The following GALNT13 variants were observed in gnomAD, a reference collection of about 807,000 sequenced individuals.
GALNT13 encodes the protein polypeptide N-acetylgalactosaminyltransferase 13.
GALNT13 carries 28 observed loss-of-function variants against 64.2 expected under a neutral mutation model. The observed-to-expected ratio is 0.44, with a 90% CI of 0.32 to 0.60. The LOEUF (loss-of-function observed/expected upper bound fraction) is 0.60, where lower values mean the gene tolerates loss of function less well. GALNT13 is among the 20% of genes least tolerant of loss of function. The pLI is 0.05. For missense variants in GALNT13, 577 were observed against 669.8 expected (o/e 0.86, Z 1.53); for synonymous variants, 214 against 224.6 (o/e 0.95, Z 0.42).
chr2:153,541,343 T>C, the GALNT13 span, among the ~76,000 whole-genome samples: 1 of 152,100 alleles, frequency 6.6e-6, no homozygotes, highest in African/African-American at 2.4e-5. Context: ...GACCTGTGAG[T>C]CAATCAAATC....
chr2:153,833,720 G>A, the GALNT13 span, among the ~76,000 whole-genome samples: 1 of 152,176 alleles, frequency 6.6e-6, no homozygotes, highest in East Asian at 1.9e-4. Flanking sequence ...TACTTTATAC[G>A]AAACAAGCAG....
chr2:153,235,277 A>C, the GALNT13 span, among the ~76,000 whole-genome samples: 8 of 152,172 alleles, frequency 5.3e-5, no homozygotes, highest in Non-Finnish European at 8.8e-5. Context: ...TTTGCTGCAC[A>C]AAAGAATTTG....
chr2:154,309,431 A>G (rs1305857456), intron 9 of GALNT13, among the ~76,000 whole-genome samples: 1 of 152,192 alleles, frequency 6.6e-6, no homozygotes, highest in East Asian at 1.9e-4. Flanking sequence ...TTATAAAGAT[A>G]AAAAGTTTGA....
Position 154,181,308 on chromosome 2 carries a change from G to A in GALNT13, c.311+40803G>A, listed in dbSNP as rs114270213. 4.8e-3 allele frequency among the ~76,000 whole-genome samples: 736 copies of A among 152,162 alleles called. 8 individuals carry two copies. Among genetic ancestry groups the A allele is most frequent in the African/African-American group, 0.017 (701 of 41,552 alleles). ...AGAAGGAAATTAACAAAATAAAAAT[G>A]CATCACTTAAAAGAAAAATATTTTA... On this transcript the variant is annotated intron_variant, in intron 4 of 12. Transcript: ENST00000392825.
chr2:154,273,496 T>C (rs945881032), intron 8 of GALNT13, among the ~76,000 whole-genome samples: 1 of 152,206 alleles, frequency 6.6e-6, no homozygotes, highest in East Asian at 1.9e-4. Context: ...CAGCATACAA[T>C]TAATGTGTAC....
intron 4 of GALNT13, among the ~76,000 whole-genome samples, chr2:154,166,753 T>C (rs1685048607): frequency 6.6e-6 from 1 of 152,094 alleles, no homozygotes; most frequent in Non-Finnish European, 1.5e-5. Context: ...ATAGACTGGA[T>C]TAAGAAAATG....
At chr2:154,165,350 T>G (rs911189967) in intron 4 of GALNT13, among the ~76,000 whole-genome samples, 1 of 152,138 alleles carries the variant, frequency 6.6e-6, no homozygotes, top group Admixed American at 6.5e-5. Context: ...CTGTTTAAAG[T>G]TTCTTTTTTT....
At chr2:153,873,444 G>A (rs1364782237) in intron 1 of GALNT13, among the ~76,000 whole-genome samples, 1 of 152,226 alleles carries the variant, frequency 6.6e-6, no homozygotes, top group African/African-American at 2.4e-5. Flanking sequence ...CAGGAGGAGA[G>A]TCTGCCTCCC....
chr2:153,152,997 A>G, the GALNT13 span, among the ~76,000 whole-genome samples: 1 of 152,150 alleles, frequency 6.6e-6, no homozygotes, highest in Non-Finnish European at 1.5e-5. Context: ...GCCTTCCACA[A>G]TGGTTGAACT....
intron 4 of GALNT13, among the ~76,000 whole-genome samples, chr2:154,192,336 C>G (rs1313466004): frequency 1.3e-5 from 2 of 152,116 alleles, no homozygotes; most frequent in Non-Finnish European, 2.9e-5. Flanking sequence ...CATCTGGGTG[C>G]GAAGCCAGGA....
chr2:154,419,742 T>C (rs1700171436), intron 11 of GALNT13, among the ~76,000 whole-genome samples: 2 of 152,082 alleles, frequency 1.3e-5, no homozygotes, highest in African/African-American at 4.8e-5. Context: ...TCTACTGTGA[T>C]TATCGATAAG....
intron 8 of GALNT13, among the ~76,000 whole-genome samples, chr2:154,270,580 A>G (rs1301968118): frequency 6.6e-6 from 1 of 151,956 alleles, no homozygotes; most frequent in Non-Finnish European, 1.5e-5. Context: ...GATGAAAATG[A>G]AGGGCAAGAG....
At chr2:153,864,640 C>T in the GALNT13 span, among the ~76,000 whole-genome samples, 1 of 152,014 alleles carries the variant, frequency 6.6e-6, no homozygotes, top group Non-Finnish European at 1.5e-5. Context: ...CTACAAACCA[C>T]TGCTCAAAGA....
the GALNT13 span, among the ~76,000 whole-genome samples, chr2:153,660,157 C>T: frequency 6.6e-6 from 1 of 152,022 alleles, no homozygotes; most frequent in African/African-American, 2.4e-5. Context: ...AAAAAGTGAC[C>T]AGTAGGAACT....
chr2:153,622,393 T>G, the GALNT13 span, among the ~76,000 whole-genome samples: 2 of 152,168 alleles, frequency 1.3e-5, no homozygotes, highest in African/African-American at 4.8e-5. Flanking sequence ...TCCTGAGATC[T>G]GCAAAAGTAG....
At chr2:153,079,874 C>T in the GALNT13 span, among the ~76,000 whole-genome samples, 1 of 152,192 alleles carries the variant, frequency 6.6e-6, no homozygotes, top group African/African-American at 2.4e-5. Flanking sequence ...GGTGTTTTTA[C>T]TATCTCTAAG....
At chr2:153,830,896 T>C in the GALNT13 span, among the ~76,000 whole-genome samples, 1 of 152,196 alleles carries the variant, frequency 6.6e-6, no homozygotes, top group Non-Finnish European at 1.5e-5. Flanking sequence ...CAGTAAATAA[T>C]AACCATTTTT....
At chr2:154,089,405 G>A (rs1456382446) in intron 3 of GALNT13, among the ~76,000 whole-genome samples, 1 of 151,996 alleles carries the variant, frequency 6.6e-6, no homozygotes, top group South Asian at 2.1e-4. Context: ...AAGGGTGATC[G>A]GGGCCCGCCC....
At chr2:153,257,441 C>T in the GALNT13 span, among the ~76,000 whole-genome samples, 2 of 152,074 alleles carry the variant, frequency 1.3e-5, no homozygotes, top group Non-Finnish European at 2.9e-5. Context: ...GAGCTGTAGA[C>T]CTGAGCTGTT....
Sources: gnomAD v4.1 joint callset for allele counts (sites outside exome capture counted in the v4.1 genomes callset) on GRCh38, gnomAD v4.1.1 for gene constraint, MANE v1.5 for transcripts, NCBI Gene and HGNC (gene_info 2026-07-23, HGNC 2026-07-21) for gene names.